CREB1: variants seen among roughly 807,000 people sequenced by gnomAD.
CREB1 encodes the protein cyclic AMP-responsive element-binding protein 1.
Under a neutral mutation model 42.0 loss-of-function variants are expected in CREB1, and 2 were observed. The ratio of observed to expected loss-of-function variants is 0.05; its 90% CI spans 0.02 to 0.15. The LOEUF is 0.15. CREB1 is among the 10% of genes least tolerant of loss of function. The probability of loss-of-function intolerance (pLI) is 1.00; values close to 1 mark genes in which losing one functional copy is unlikely to be tolerated. For synonymous variants in CREB1, 123 were observed against 139.9 expected, an observed-to-expected ratio of 0.88 and a Z score of 0.85; for missense variants, 199 against 388.9, an observed-to-expected ratio of 0.51 and a Z score of 4.11.
chr2:207,534,582 T>C (rs986768161), intron 1 of CREB1: 2 of 152,240 alleles, frequency 1.3e-5, no homozygotes, highest in Non-Finnish European at 2.9e-5. Context: ...TGAATTACGC[T>C]GTCTTATCTC....
chr2:207,560,556 T>A (rs1430936043), intron 3 of CREB1, among the ~76,000 whole-genome samples, 184 bp downstream of exon 3: 1 of 152,038 alleles, frequency 6.6e-6, no homozygotes, highest in Admixed American at 6.6e-5. Context: ...AGAACAAACA[T>A]AAAAGAAAAT....
chr2:207,546,272 A>G (rs1011405082), intron 1 of CREB1, among the ~76,000 whole-genome samples: 7 of 152,226 alleles, frequency 4.6e-5, no homozygotes, highest in African/African-American at 1.7e-4. Flanking sequence ...TGATTCTTTC[A>G]AGATTAAAGA....
At chr2:207,577,026 T>G in intron 6 of CREB1, 2 of 927,842 alleles carry the variant, frequency 2.2e-6, no homozygotes, top group Non-Finnish European at 2.6e-6. Flanking sequence ...ATTCAAAATT[T>G]ATAATAGTTG....
At chr2:207,543,922 T>A (rs1319185873) in intron 1 of CREB1, among the ~76,000 whole-genome samples, 1 of 150,240 alleles carries the variant, frequency 6.7e-6, no homozygotes, top group Non-Finnish European at 1.5e-5. Context: ...TTTTTTTGTT[T>A]GTTTGTTTGT....
chr2:207,571,223 TTTGAGGCCAGGCACAGTGGCTCA>T lies in CREB1; in HGVS notation c.505+904_505+926del, dbSNP rs2082351396. Reference sequence around the variant, plus strand: ...TCTGTATCAGAAATATGCATAAAAGTTTGAGGCCAGGCACAGTGGCTCATGCCTGTATTCCCAGCACTTTGGGA... The same window carrying T: ...TCTGTATCAGAAATATGCATAAAAGTTGCCTGTATTCCCAGCACTTTGGGA... On this transcript the variant is annotated intron_variant, in intron 5 of 7. Coordinates refer to ENST00000353267, the MANE Select transcript of CREB1 (RefSeq NM_004379.5). 2.0e-5 allele frequency among the ~76,000 whole-genome samples: 3 copies of T among 152,070 alleles called. No individual in the cohort carries two copies. The South Asian group carries it at 6.2e-4, about 32-fold the overall frequency.
At chr2:207,542,847 C>A (rs1381154835) in intron 1 of CREB1, among the ~76,000 whole-genome samples, 1 of 152,170 alleles carries the variant, frequency 6.6e-6, no homozygotes, top group Non-Finnish European at 1.5e-5. Context: ...GAGTTATAAT[C>A]CACCTACCTC....
At chr2:207,584,342 TCCC>T (rs2083434574) in intron 7 of CREB1, among the ~76,000 whole-genome samples, 1 of 152,162 alleles carries the variant, frequency 6.6e-6, no homozygotes, top group Non-Finnish European at 1.5e-5. Context: ...TTATTGTTTG[TCCC>T]CCAGCTCTAG....
intron 5 of CREB1, among the ~76,000 whole-genome samples, chr2:207,574,019 C>A (rs2082476483): frequency 6.6e-6 from 1 of 152,184 alleles, no homozygotes; most frequent in East Asian, 1.9e-4. Flanking sequence ...AGTAAAACTT[C>A]TGGGATTAGC....
chr2:207,579,806 T>C (rs1342314732), intron 7 of CREB1, among the ~76,000 whole-genome samples: 2 of 152,178 alleles, frequency 1.3e-5, no homozygotes, highest in African/African-American at 2.4e-5. Flanking sequence ...CGCTCATATG[T>C]CTATAAAAAG....
intron 1 of CREB1, among the ~76,000 whole-genome samples, chr2:207,536,750 G>A (rs2106346111): frequency 6.6e-6 from 1 of 151,992 alleles, no homozygotes; most frequent in Non-Finnish European, 1.5e-5. Flanking sequence ...GGCACTTTGG[G>A]AGGTCGAGGC....
At chr2:207,547,007 G>A (rs898441806) in intron 1 of CREB1, among the ~76,000 whole-genome samples, 2 of 152,162 alleles carry the variant, frequency 1.3e-5, no homozygotes, top group Non-Finnish European at 2.9e-5. Context: ...ATTGGAGGCT[G>A]TTATAACCCT....
chr2:207,590,768 AC>A (rs1432470964), intron 7 of CREB1, among the ~76,000 whole-genome samples: 1 of 152,130 alleles, frequency 6.6e-6, no homozygotes, highest in Non-Finnish European at 1.5e-5. Flanking sequence ...TTCCAGTAAA[AC>A]TTTATTTACA....
Position 207,550,049 on chromosome 2 carries a change from A to G in CREB1, c.-8-5579A>G, listed in dbSNP as rs1351174423. 2.0e-5 allele frequency among the ~76,000 whole-genome samples: 3 copies of G among 152,322 alleles called. 1 individual carries two copies. Among genetic ancestry groups the G allele is most frequent in the South Asian group, 4.1e-4 (2 of 4,830 alleles). ...CCTAAAAACTAAATACAGGCACAAC[A>G]TAACTGTGTAGACATAATTATGTAT... On this transcript the variant is annotated intron_variant, in intron 1 of 7. Transcript: ENST00000353267.
At chr2:207,576,577 A>T in intron 6 of CREB1, 1 of 665,232 alleles carries the variant, frequency 1.5e-6, no homozygotes, top group Non-Finnish European at 2.3e-6. Context: ...TATTTGAAAA[A>T]GATACTATTT....
At position 207,597,226 on chromosome 2, in the gene CREB1, T is replaced by C; in HGVS notation, c.*168T>C. The C allele has an allele frequency of 1.5e-6, 1 of 689,536 alleles. No homozygotes were observed. The highest frequency in any genetic ancestry group is 2.2e-6 in the Non-Finnish European group (1 of 452,078). The allele number at this position is 689,536 out of a possible 1,614,324, so 42.7% of individuals were successfully genotyped here. ...TCATTTGTGCTTTTGCATTAAACTG[T>C]GAATGTTCCAACACCTGCCTCCACT... On this transcript the variant is annotated 3_prime_UTR_variant, in exon 8 of 8. Transcript: ENST00000353267.
intron 1 of CREB1, among the ~76,000 whole-genome samples, chr2:207,534,202 G>A (rs1268958652): frequency 6.6e-6 from 1 of 152,198 alleles, no homozygotes; most frequent in Non-Finnish European, 1.5e-5. Context: ...TTGTGCAAGT[G>A]TCAAGTGCTC....
intron 7 of CREB1, among the ~76,000 whole-genome samples, chr2:207,592,358 A>G (rs1052458417): frequency 1.3e-5 from 2 of 152,152 alleles, no homozygotes; most frequent in Non-Finnish European, 2.9e-5. Context: ...AGTAGCCCAG[A>G]TCACGCCACT....
At chr2:207,581,143 A>G (rs1236486837) in intron 7 of CREB1, 1 of 214,898 alleles carries the variant, frequency 4.7e-6, no homozygotes, top group East Asian at 7.0e-5. Flanking sequence ...GGATTTGACC[A>G]TATAAAACTA....
intron 6 of CREB1, 181 bp from the exon 7 acceptor site, chr2:207,577,324 G>A (rs2082633682): frequency 2.0e-6 from 2 of 1,022,250 alleles, no homozygotes; most frequent in Non-Finnish European, 2.7e-6. Context: ...ACATTACATT[G>A]GGAATTATTT....
Sources: gnomAD v4.1 joint callset for allele counts (sites outside exome capture counted in the v4.1 genomes callset) on GRCh38, gnomAD v4.1.1 for gene constraint, MANE v1.5 for transcripts, NCBI Gene and HGNC (gene_info 2026-07-23, HGNC 2026-07-21) for gene names.